MKX: variants seen among roughly 807,000 people sequenced by gnomAD.
The protein encoded by MKX is homeobox protein Mohawk.
MKX carries 13 observed loss-of-function variants against 36.0 expected under a neutral mutation model. The observed-to-expected ratio is 0.36, with a 90% CI of 0.24 to 0.57. The LOEUF is 0.57. MKX is among the 20% of genes least tolerant of loss of function. The probability of loss-of-function intolerance (pLI) is 0.79; values close to 1 mark genes in which losing one functional copy is unlikely to be tolerated. For missense variants in MKX, 458 were observed against 456.4 expected (o/e 1.00, Z -0.03); for synonymous variants, 176 against 178.3 (o/e 0.99, Z 0.10).
At chr10:27,729,303 T>C (rs1205269204) in intron 5 of MKX, among the ~76,000 whole-genome samples, 1 of 149,576 alleles carries the variant, frequency 6.7e-6, no homozygotes, top group East Asian at 2.0e-4. Context: ...TTTTTTTTTT[T>C]TTTTTTTTGA....
At position 27,687,536 on chromosome 10, in the gene MKX, A is replaced by G. The variant is rs556621674; in HGVS notation, c.839-11982T>C. On this transcript the variant is annotated intron_variant, in intron 5 of 6. Coordinates refer to ENST00000419761, the MANE Select transcript of MKX (RefSeq NM_173576.3). ...GCTCTTTAGTCATTTCCTGATGTTT[A>G]TTTTTTTCTGGTAAAATGCACAGCT... is the stretch of plus-strand genomic sequence containing the variant. 3.3e-5 allele frequency among the ~76,000 whole-genome samples: 5 copies of G among 151,908 alleles called. No homozygotes were observed. The South Asian group carries it at 1.0e-3, about 32-fold the overall frequency.
chr10:27,709,028 G>A (rs1479153662), intron 5 of MKX, among the ~76,000 whole-genome samples: 2 of 151,904 alleles, frequency 1.3e-5, no homozygotes, highest in Non-Finnish European at 2.9e-5. Context: ...AATTAGCTGG[G>A]CATGGTGGTG....
chr10:27,744,311 G>T lies in MKX; in HGVS notation c.-82-814C>A, dbSNP rs2132662816. Among the ~76,000 whole-genome samples, 1 of 152,222 alleles carries T rather than the reference G, an allele frequency of 6.6e-6. No homozygotes were observed. The highest frequency in any genetic ancestry group is 2.4e-5 in the African/African-American group (1 of 41,548). ...TCCGCAGCGCGGGTGTCAGCCGCGA[G>T]CTCGTAGCCCCTCGACACCCGCCTC... On this transcript the variant is annotated intron_variant, in intron 1 of 6. Transcript: ENST00000419761. The surrounding 1 kb of genome is among the most constrained non-coding windows in gnomAD (Gnocchi z 5.6).
At chr10:27,701,811 T>G (rs181843301) in intron 5 of MKX, among the ~76,000 whole-genome samples, 5,349 of 74,746 alleles carry the variant, frequency 0.072, 293 homozygotes, top group African/African-American at 0.2. Context: ...TACAGTTATT[T>G]TGTGTGTGTG....
rs1468312919 is a variant in MKX at position 27,741,135 on chromosome 10, A to G, written c.348+210T>C. The stretch of plus-strand genomic sequence containing the variant: ...TCTGCAGTTTACTTTTCACTTCCCT[A>G]CCTGACAGCGCATCCTGCATTCTTT... On this transcript the variant is annotated intron_variant, in intron 3 of 6. Coordinates refer to ENST00000419761, the MANE Select transcript of MKX (RefSeq NM_173576.3). This position sits in a 1 kb window ranked among gnomAD's most constrained non-coding sequence, Gnocchi z 5.1. Among the ~76,000 whole-genome samples, 2 of 152,072 alleles carry G rather than the reference A, an allele frequency of 1.3e-5. No individual in the cohort carries two copies. The highest frequency in any genetic ancestry group is 2.9e-5 in the Non-Finnish European group (2 of 68,008).
chr10:27,736,577 C>T (rs776494672), intron 3 of MKX, among the ~76,000 whole-genome samples: 3 of 151,822 alleles, frequency 2.0e-5, no homozygotes, highest in Non-Finnish European at 4.4e-5. Context: ...TTAAGCTAGG[C>T]TTTGAAGAAA....
At chr10:27,698,378 C>T (rs187774578) in intron 5 of MKX, among the ~76,000 whole-genome samples, 7 of 152,144 alleles carry the variant, frequency 4.6e-5, no homozygotes, top group African/African-American at 9.6e-5. Context: ...AGGAGCCAGG[C>T]GGGATCATGG....
At chr10:27,686,455 G>A (rs1222406827) in intron 5 of MKX, among the ~76,000 whole-genome samples, 1 of 145,832 alleles carries the variant, frequency 6.9e-6, no homozygotes, top group Non-Finnish European at 1.5e-5. Flanking sequence ...GGAAAGAGGG[G>A]GAAGAGAAGA....
At chr10:27,693,299 A>G (rs182559646) in intron 5 of MKX, among the ~76,000 whole-genome samples, 3 of 152,314 alleles carry the variant, frequency 2.0e-5, no homozygotes, top group African/African-American at 7.2e-5. Flanking sequence ...GTCTAAAACA[A>G]TAAGGATCTA....
chr10:27,697,354 C>G (rs1836573657), intron 5 of MKX, among the ~76,000 whole-genome samples: 1 of 152,188 alleles, frequency 6.6e-6, no homozygotes, highest in Admixed American at 6.5e-5. Context: ...CTTTCTCCCC[C>G]TTTTTGATAT....
At chr10:27,697,009 A>T (rs1836567910) in intron 5 of MKX, among the ~76,000 whole-genome samples, 1 of 152,196 alleles carries the variant, frequency 6.6e-6, no homozygotes, top group African/African-American at 2.4e-5. Flanking sequence ...TGTTACCTAA[A>T]AGACTTAAAT....
chr10:27,685,898 A>G (rs1589655388), intron 5 of MKX, among the ~76,000 whole-genome samples: 1 of 152,334 alleles, frequency 6.6e-6, no homozygotes. Context: ...TGGGACAGTT[A>G]GAGCTTTTGA....
chr10:27,727,101 G>A (rs926649733), intron 5 of MKX, among the ~76,000 whole-genome samples: 1 of 152,192 alleles, frequency 6.6e-6, no homozygotes, highest in Non-Finnish European at 1.5e-5. Flanking sequence ...AGCCAAATAT[G>A]AAATCAGTGT....
rs188348563 is a variant in MKX, at chr10:27,699,523, C to T, written c.839-23969G>A. On this transcript the variant is annotated intron_variant, in intron 5 of 6. Coordinates refer to ENST00000419761, the MANE Select transcript of MKX (RefSeq NM_173576.3). ...TCATGAAGAACGAATACGTCAATAA[C>T]GTTCACTTGCTATTGGCATATGGAA... Among the ~76,000 whole-genome samples the T allele has an allele frequency of 8.5e-5, 13 of 152,294 alleles. No individual in the cohort carries two copies. The Middle Eastern group carries it at 0.014, about 159-fold the overall frequency.
Position 27,717,125 on chromosome 10 carries a change from T to C in MKX, c.838+17331A>G, listed in dbSNP as rs559192367. Among the ~76,000 whole-genome samples, 13 of 152,234 alleles carry C rather than the reference T, an allele frequency of 8.5e-5. No individual in the cohort carries two copies. In the South Asian group the frequency reaches 2.7e-3, roughly 32 times the overall value. ...GGCAAGGAAATGTGGGTCTCAGTCC[T>C]ATAGCCACAGGGAAATGAGCTGTGT... On this transcript the variant is annotated intron_variant, in intron 5 of 6. Coordinates refer to ENST00000419761, the MANE Select transcript of MKX (RefSeq NM_173576.3).
Position 27,673,612 on chromosome 10 carries a change from CA to C in MKX, c.*1616del, listed in dbSNP as rs1836088390. 1 of 152,218 alleles carries C rather than the reference CA, an allele frequency of 6.6e-6. No individual in the cohort carries two copies. Among genetic ancestry groups the C allele is most frequent in the South Asian group, 2.1e-4 (1 of 4,816 alleles). The allele number at this position is 152,218 out of a possible 1,614,324, so 9.4% of individuals were successfully genotyped here. ...TTTTGCTTTGCGCTTACTGTTACTG[CA>C]AACAGCAATTTAGAAAACAAAGTAA... On this transcript the variant is annotated 3_prime_UTR_variant, in exon 7 of 7. Transcript: ENST00000419761.
At chr10:27,682,084 T>C (rs1335480614) in intron 5 of MKX, among the ~76,000 whole-genome samples, 5 of 152,162 alleles carry the variant, frequency 3.3e-5, no homozygotes, top group Admixed American at 2.6e-4. Flanking sequence ...GACAGTGATA[T>C]TGATGAGCCT....
intron 5 of MKX, among the ~76,000 whole-genome samples, chr10:27,714,755 A>G (rs937295294): frequency 2.6e-5 from 4 of 152,218 alleles, no homozygotes; most frequent in Non-Finnish European, 5.9e-5. Flanking sequence ...ACATATAACA[A>G]AACGATTTAT....
intron 5 of MKX, among the ~76,000 whole-genome samples, chr10:27,711,752 C>CTTTT (rs78057670): frequency 1.7e-4 from 23 of 138,766 alleles, no homozygotes; most frequent in African/African-American, 5.6e-4. Flanking sequence ...TTTTAAAACT[C>CTTTT]TTTTTTTTTT....
Sources: gnomAD v4.1 joint callset for allele counts (sites outside exome capture counted in the v4.1 genomes callset) on GRCh38, gnomAD v4.1.1 for gene constraint, Gnocchi (gnomAD v3.1) non-coding constraint, MANE v1.5 for transcripts, NCBI Gene and HGNC (gene_info 2026-07-23, HGNC 2026-07-21) for gene names.